ATAD2B: variants seen among roughly 807,000 people sequenced by gnomAD.
ATAD2B encodes the protein ATPase family AAA domain containing 2B.
In ATAD2B, 40 loss-of-function variants were observed where a neutral mutation model predicts 167.6. The ratio of observed to expected loss-of-function variants is 0.24; its 90% CI spans 0.19 to 0.31. ATAD2B has a LOEUF of 0.31. Ranked by LOEUF, ATAD2B falls within the 10% of genes least tolerant of loss-of-function variation. ATAD2B has a pLI of 1.00. For synonymous variants in ATAD2B, 579 were observed against 596.5 expected (o/e 0.97, Z 0.43); for missense variants, 1,242 against 1,757.2 (o/e 0.71, Z 5.24).
chr2:23,802,471 A>G (rs1035878419), intron 18 of ATAD2B, among the ~76,000 whole-genome samples: 2 of 152,068 alleles, frequency 1.3e-5, no homozygotes, highest in African/African-American at 4.8e-5. Flanking sequence ...CTGTTATAAA[A>G]CACACCTGTA....
At chr2:23,920,756 TC>T (rs540199565) in intron 1 of ATAD2B, among the ~76,000 whole-genome samples, 16 of 151,976 alleles carry the variant, frequency 1.1e-4, no homozygotes, top group African/African-American at 3.4e-4. Context: ...CATACATGAT[TC>T]CCCCCCAACT....
chr2:23,728,849 A>G, the ATAD2B span, among the ~76,000 whole-genome samples: 1 of 152,252 alleles, frequency 6.6e-6, no homozygotes, highest in East Asian at 1.9e-4. Flanking sequence ...GTATTAGTTC[A>G]TTCTCACACT....
At chr2:23,861,463 T>A (rs1694355438) in intron 12 of ATAD2B, among the ~76,000 whole-genome samples, 1 of 147,720 alleles carries the variant, frequency 6.8e-6, no homozygotes, top group African/African-American at 2.5e-5. Flanking sequence ...AACTTAGGAA[T>A]GCAGAATCTT....
intron 8 of ATAD2B, among the ~76,000 whole-genome samples, 174 bp from the exon 9 acceptor site, chr2:23,869,935 AAG>A (rs1695673176): frequency 6.6e-6 from 1 of 152,094 alleles, no homozygotes; most frequent in African/African-American, 2.4e-5. Flanking sequence ...TGCAGAGAAA[AAG>A]AAAAAAAAAG....
chr2:23,690,211 T>C, the ATAD2B span: 2 of 152,246 alleles, frequency 1.3e-5, no homozygotes, highest in Non-Finnish European at 2.9e-5. Flanking sequence ...TACTGCCACG[T>C]AGGGAAGAGT....
chr2:23,802,363 T>C (rs1472558435), intron 18 of ATAD2B, among the ~76,000 whole-genome samples: 1 of 152,062 alleles, frequency 6.6e-6, no homozygotes, highest in Non-Finnish European at 1.5e-5. Context: ...ATAAGATTTA[T>C]TGAGAATCTC....
intron 19 of ATAD2B, among the ~76,000 whole-genome samples, chr2:23,796,744 A>G (rs1025023464): frequency 6.6e-6 from 1 of 152,202 alleles, no homozygotes; most frequent in African/African-American, 2.4e-5. Context: ...TTCCTACTTT[A>G]TAATACTAAT....
chr2:23,925,260 T>G (rs1024161841), intron 1 of ATAD2B, among the ~76,000 whole-genome samples: 7 of 152,190 alleles, frequency 4.6e-5, no homozygotes, highest in Admixed American at 3.9e-4. Flanking sequence ...CAAAATAGTC[T>G]ATTAAATAGG....
chr2:23,891,970 T>C (rs1344204136), intron 2 of ATAD2B, among the ~76,000 whole-genome samples: 1 of 152,204 alleles, frequency 6.6e-6, no homozygotes, highest in African/African-American at 2.4e-5. Flanking sequence ...TTTAATGATT[T>C]ATGAGGGTTA....
At chr2:23,781,422 T>C (rs1351509198) in intron 22 of ATAD2B, among the ~76,000 whole-genome samples, 2 of 152,162 alleles carry the variant, frequency 1.3e-5, no homozygotes, top group Non-Finnish European at 2.9e-5. Flanking sequence ...CCCAGCACTT[T>C]GGGAGACCGA....
At chr2:23,875,977 T>A in intron 7 of ATAD2B, 73 bp from the exon 8 acceptor site, 1 of 1,126,200 alleles carries the variant, frequency 8.9e-7, no homozygotes. Context: ...GGAGTAGAAA[T>A]GACTTCTGCT....
chr2:23,818,115 A>AT lies in ATAD2B; in HGVS notation c.2267+1631_2267+1632insA, dbSNP rs1686779375. 2.0e-5 allele frequency among the ~76,000 whole-genome samples: 2 copies of AT among 97,580 alleles called. 1 individual carries two copies. The highest frequency in any genetic ancestry group is 4.4e-5 in the Non-Finnish European group (2 of 45,766). The allele number at this position is 97,580 out of a possible 152,430, so 64.0% of individuals were successfully genotyped here. ...ACACATTACACACACACACACACAC[A>AT]CACACATTACACACACACACACACA... is the stretch of plus-strand genomic sequence containing the variant. On this transcript the variant is annotated intron_variant, in intron 17 of 27. Coordinates refer to ENST00000238789, the MANE Select transcript of ATAD2B (RefSeq NM_017552.4).
At chr2:23,879,835 A>G (rs1452158270) in intron 7 of ATAD2B, among the ~76,000 whole-genome samples, 1 of 151,886 alleles carries the variant, frequency 6.6e-6, no homozygotes, top group Admixed American at 6.6e-5. Context: ...TGGGCCAATC[A>G]CCTGAGGTCA....
At chr2:23,702,146 C>T in the ATAD2B span, among the ~76,000 whole-genome samples, 3 of 152,078 alleles carry the variant, frequency 2.0e-5, no homozygotes, top group Non-Finnish European at 2.9e-5. Context: ...TTAACTACCC[C>T]CCACTTCCAG....
At chr2:23,855,051 G>A (rs548410494) in intron 13 of ATAD2B, among the ~76,000 whole-genome samples, 14 of 151,906 alleles carry the variant, frequency 9.2e-5, no homozygotes, top group Middle Eastern at 3.4e-3. Context: ...AAAATTAGCC[G>A]GGCATGGTGG....
the ATAD2B span, among the ~76,000 whole-genome samples, chr2:23,726,946 T>A: frequency 6.6e-5 from 10 of 152,178 alleles, no homozygotes; most frequent in Non-Finnish European, 1.5e-4. Context: ...GAGGGCAAAT[T>A]TTATGCTATG....
At chr2:23,912,593 C>T (rs1453940167) in intron 1 of ATAD2B, among the ~76,000 whole-genome samples, 1 of 151,380 alleles carries the variant, frequency 6.6e-6, no homozygotes, top group African/African-American at 2.4e-5. Flanking sequence ...AAGAAGAAAG[C>T]AAAAAGGAAA....
chr2:23,901,744 C>T (rs1312342312), intron 1 of ATAD2B, among the ~76,000 whole-genome samples: 1 of 151,976 alleles, frequency 6.6e-6, no homozygotes, highest in African/African-American at 2.4e-5. Flanking sequence ...TGATAACATG[C>T]AAAATAAATC....
chr2:23,896,038 G>GAA (rs1700106110), intron 1 of ATAD2B, 68 bp from the exon 2 acceptor site: 1 of 1,331,822 alleles, frequency 7.5e-7, no homozygotes, highest in African/African-American at 1.5e-5. Flanking sequence ...AATACTAGGG[G>GAA]CCAGGCAGTG....
Sources: gnomAD v4.1 joint callset for allele counts (sites outside exome capture counted in the v4.1 genomes callset) on GRCh38, gnomAD v4.1.1 for gene constraint, MANE v1.5 for transcripts, NCBI Gene and HGNC (gene_info 2026-07-23, HGNC 2026-07-21) for gene names.